Variants in FRS2 observed in about 807,000 individuals in gnomAD.
FRS2 encodes fibroblast growth factor receptor substrate 2, also known as FGFR signalling adaptor.
A neutral mutation model predicts 43.9 loss-of-function variants in FRS2; 8 were observed. The ratio of observed to expected loss-of-function variants is 0.18; its 90% CI spans 0.11 to 0.33. FRS2 has a LOEUF of 0.33. Ranked by LOEUF, FRS2 falls within the 10% of genes least tolerant of loss-of-function variation. The pLI, the probability that FRS2 is intolerant of heterozygous loss-of-function variation, is 1.00. For synonymous variants in FRS2, 219 were observed against 220.3 expected, an observed-to-expected ratio of 0.99 and a Z score of 0.05; for missense variants, 534 against 627.6, an observed-to-expected ratio of 0.85 and a Z score of 1.59.
At chr12:69,485,979 T>C (rs1384219139) in intron 1 of FRS2, among the ~76,000 whole-genome samples, 2 of 152,196 alleles carry the variant, frequency 1.3e-5, no homozygotes, top group Non-Finnish European at 2.9e-5. Flanking sequence ...ATTCCTTCAC[T>C]TTTTCCCTAT....
intron 3 of FRS2, among the ~76,000 whole-genome samples, chr12:69,558,206 G>A (rs1029433512): frequency 5.9e-5 from 9 of 152,118 alleles, no homozygotes; most frequent in Non-Finnish European, 1.5e-5. Flanking sequence ...AGTTGCTGTC[G>A]GGGGAATGTT....
At chr12:69,471,819 C>A (rs980070349) in intron 1 of FRS2, among the ~76,000 whole-genome samples, 1 of 152,226 alleles carries the variant, frequency 6.6e-6, no homozygotes, top group South Asian at 2.1e-4. Flanking sequence ...ATCTGCAACT[C>A]TCATCTTGTG....
intron 1 of FRS2, among the ~76,000 whole-genome samples, chr12:69,523,280 G>T (rs549265356): frequency 6.6e-6 from 1 of 152,146 alleles, no homozygotes; most frequent in Non-Finnish European, 1.5e-5. Flanking sequence ...TGGGTGTATG[G>T]ATATTTAGGA....
intron 1 of FRS2, among the ~76,000 whole-genome samples, chr12:69,493,307 A>G (rs897313963): frequency 6.6e-6 from 1 of 152,208 alleles, no homozygotes; most frequent in Non-Finnish European, 1.5e-5. Flanking sequence ...TCTGTCTCAG[A>G]CGATTTATGG....
chr12:69,512,433 T>C (rs560729395), intron 1 of FRS2, among the ~76,000 whole-genome samples: 1 of 152,212 alleles, frequency 6.6e-6, no homozygotes. Context: ...CTGGATCTTG[T>C]ATGAACTTTT....
At chr12:69,565,559 T>G (rs1201461579) in intron 4 of FRS2, among the ~76,000 whole-genome samples, 1 of 152,222 alleles carries the variant, frequency 6.6e-6, no homozygotes, top group Non-Finnish European at 1.5e-5. Flanking sequence ...TTTATATCCT[T>G]TAAGATTTTT....
intron 1 of FRS2, among the ~76,000 whole-genome samples, chr12:69,471,272 A>G (rs1354861967): frequency 6.6e-6 from 1 of 151,622 alleles, no homozygotes; most frequent in East Asian, 2.0e-4. Flanking sequence ...TACTAAAAAA[A>G]AAAAGATGCT....
At position 69,573,115 on chromosome 12, in the gene FRS2, G is replaced by GA. The variant is rs201526233; in HGVS notation, c.576+835dup. Among the ~76,000 whole-genome samples the GA allele has an allele frequency of 7.0e-3, 1,064 of 152,338 alleles. 15 individuals carry two copies. The highest frequency in any genetic ancestry group is 0.025 in the African/African-American group (1,021 of 41,578). ...CCCAAAGTGTTGGGATTACAGGCGT[G>GA]AGCCACTGTGCCCGACCCTTGTAAA... On this transcript the variant is annotated intron_variant, in intron 8 of 8. Transcript: ENST00000549921.
At chr12:69,570,723 C>CT in intron 6 of FRS2, among the ~76,000 whole-genome samples, 1 of 152,118 alleles carries the variant, frequency 6.6e-6, no homozygotes, top group East Asian at 1.9e-4. Context: ...CTCATGTCAA[C>CT]TTTAAGATTT....
rs1490281050 is a variant in FRS2, at chr12:69,516,241, G to A, written c.-260-14624G>A. On this transcript the variant is annotated intron_variant, in intron 1 of 8. Transcript: ENST00000549921. The stretch of plus-strand genomic sequence containing the variant: ...TTACTATTTTTTTTTTTTTTGAGAC[G>A]GAGTTTCGCTCTTGTTGCCCAGGCT... Among the ~76,000 whole-genome samples, 5 of 148,804 alleles carry A rather than the reference G, an allele frequency of 3.4e-5. No individual in the cohort carries two copies. The South Asian group carries it at 6.4e-4, about 19-fold the overall frequency.
At chr12:69,502,866 T>TAGCAGC (rs1277908851) in intron 1 of FRS2, among the ~76,000 whole-genome samples, 3 of 152,138 alleles carry the variant, frequency 2.0e-5, no homozygotes, top group East Asian at 3.9e-4. Flanking sequence ...CTACCTACTC[T>TAGCAGC]AGCAGCAGCA....
chr12:69,517,230 A>G (rs560593645), intron 1 of FRS2, among the ~76,000 whole-genome samples: 26 of 152,356 alleles, frequency 1.7e-4, no homozygotes, highest in Admixed American at 3.9e-4. Flanking sequence ...TGATGGTTCA[A>G]TGTATATACA....
intron 1 of FRS2, among the ~76,000 whole-genome samples, chr12:69,515,675 C>G (rs1874933124): frequency 6.6e-6 from 1 of 152,020 alleles, no homozygotes; most frequent in South Asian, 2.1e-4. Flanking sequence ...ACACATTACC[C>G]TGAAAGCAAC....
intron 3 of FRS2, among the ~76,000 whole-genome samples, chr12:69,544,574 G>C (rs1372214851): frequency 6.6e-6 from 1 of 151,982 alleles, no homozygotes; most frequent in Non-Finnish European, 1.5e-5. Context: ...GGGCATAGTG[G>C]TGCGCACCTG....
intron 1 of FRS2, among the ~76,000 whole-genome samples, chr12:69,477,272 C>CTTTTT (rs11300091): frequency 1.5e-4 from 15 of 103,134 alleles, no homozygotes; most frequent in African/African-American, 1.7e-4. Context: ...TTTTAAAATA[C>CTTTTT]TTTTTTTTTT....
intron 3 of FRS2, among the ~76,000 whole-genome samples, chr12:69,552,302 CAAAAAA>C (rs35353764): frequency 2.3e-4 from 12 of 51,380 alleles, no homozygotes; most frequent in South Asian, 1.1e-3. Flanking sequence ...AACTCCGTCT[CAAAAAA>C]AAAAAAAAAA....
intron 3 of FRS2, among the ~76,000 whole-genome samples, chr12:69,554,685 A>G (rs971407158): frequency 3.9e-5 from 6 of 152,124 alleles, no homozygotes; most frequent in African/African-American, 1.4e-4. Flanking sequence ...GATCCAACCT[A>G]GGGATACATA....
chr12:69,552,511 A>T (rs947811158), intron 3 of FRS2, among the ~76,000 whole-genome samples: 1 of 152,148 alleles, frequency 6.6e-6, no homozygotes, highest in East Asian at 1.9e-4. Flanking sequence ...AATCACTGTT[A>T]CAGAACTCAT....
At chr12:69,548,809 G>A (rs1878630738) in intron 3 of FRS2, among the ~76,000 whole-genome samples, 1 of 152,144 alleles carries the variant, frequency 6.6e-6, no homozygotes, top group African/African-American at 2.4e-5. Context: ...AGAAGAAGTG[G>A]TTACCTGAAT....
Sources: allele counts gnomAD v4.1 joint callset (sites outside exome capture counted in the v4.1 genomes callset), GRCh38; gene constraint gnomAD v4.1.1; transcripts MANE v1.5; gene names NCBI Gene and HGNC (gene_info 2026-07-23, HGNC 2026-07-21).